The following EGFR variants were observed in gnomAD, a reference collection of about 807,000 sequenced individuals.
EGFR encodes the protein avian erythroblastic leukemia viral (v-erb-b) oncogene homolog.
A neutral mutation model predicts 143.0 loss-of-function variants in EGFR; 58 were observed. The observed-to-expected ratio is 0.41, with a 90% CI of 0.33 to 0.50. The LOEUF is 0.50. EGFR is among the 20% of genes least tolerant of loss of function. The pLI is 0.39. For synonymous variants in EGFR, 613 were observed against 594.4 expected (o/e 1.03, Z -0.45); for missense variants, 1,307 against 1,579.0 (o/e 0.83, Z 2.92).
chr7:55,052,325 T>A (rs1788537192), intron 1 of EGFR, among the ~76,000 whole-genome samples: 1 of 152,176 alleles, frequency 6.6e-6, no homozygotes, highest in Non-Finnish European at 1.5e-5. Flanking sequence ...ATGAGTTAAA[T>A]ATGTATTGAG....
intron 1 of EGFR, among the ~76,000 whole-genome samples, chr7:55,059,785 G>C (rs768163900): frequency 7.9e-5 from 12 of 152,206 alleles, no homozygotes; most frequent in Non-Finnish European, 1.6e-4. Flanking sequence ...ATACTTGCAT[G>C]AATGCAGGAA....
At chr7:55,106,417 C>T (rs1037849825) in intron 1 of EGFR, among the ~76,000 whole-genome samples, 3 of 152,208 alleles carry the variant, frequency 2.0e-5, no homozygotes, top group African/African-American at 7.2e-5. Context: ...CACCTTTTCC[C>T]TTCATTCTGT....
chr7:55,121,721 G>T (rs1324359637), intron 1 of EGFR, among the ~76,000 whole-genome samples: 2 of 152,108 alleles, frequency 1.3e-5, no homozygotes, highest in Non-Finnish European at 2.9e-5. Context: ...AGCTTTCTTG[G>T]GTAACTTCCA....
At chr7:55,049,422 C>A (rs1290760660) in intron 1 of EGFR, among the ~76,000 whole-genome samples, 1 of 152,228 alleles carries the variant, frequency 6.6e-6, no homozygotes, top group Non-Finnish European at 1.5e-5. Flanking sequence ...TCTCCCACTG[C>A]ACTCAGCAGT....
At chr7:55,072,706 G>T (rs986335577) in intron 1 of EGFR, among the ~76,000 whole-genome samples, 6 of 152,138 alleles carry the variant, frequency 3.9e-5, no homozygotes, top group Non-Finnish European at 5.9e-5. Context: ...TTGCTTCATT[G>T]TGTTTAGATA....
At chr7:55,067,905 T>C (rs1789599886) in intron 1 of EGFR, among the ~76,000 whole-genome samples, 1 of 151,280 alleles carries the variant, frequency 6.6e-6, no homozygotes, top group Non-Finnish European at 1.5e-5. Flanking sequence ...TGTGTACGTG[T>C]GTGTTCCTGT....
At position 55,208,337 on chromosome 7, in the gene EGFR, A is replaced by T. The variant is rs1333486826; in HGVS notation, c.*2720A>T. ...TGATCAGTCAGTACTCAAAGCTTGG[A>T]CTCCATCCCTGAAGGTCTTCCTGAT... On this transcript the variant is annotated 3_prime_UTR_variant, in exon 28 of 28. Transcript: ENST00000275493. 1 of 151,770 alleles carries T rather than the reference A, an allele frequency of 6.6e-6. No individual in the cohort carries two copies. Among genetic ancestry groups the T allele is most frequent in the African/African-American group, 2.4e-5 (1 of 41,278 alleles). 9.4% of individuals were successfully genotyped at this position (151,770 alleles called of 1,614,324 possible). A position where few individuals can be genotyped will look rare whatever the true frequency, so the allele number is the denominator to read the frequency against.
chr7:55,122,424 G>T (rs769002113), intron 1 of EGFR, among the ~76,000 whole-genome samples: 6 of 152,176 alleles, frequency 3.9e-5, no homozygotes, highest in Non-Finnish European at 8.8e-5. Flanking sequence ...TGGTGGCAGT[G>T]GGGGGAACCG....
At chr7:55,063,351 G>T (rs978070616) in intron 1 of EGFR, among the ~76,000 whole-genome samples, 1 of 151,864 alleles carries the variant, frequency 6.6e-6, no homozygotes, top group African/African-American at 2.4e-5. Context: ...ATTTTACTTT[G>T]GTCCATAATT....
rs368698152 is a variant in EGFR, at chr7:55,198,854, A to C, written c.2839A>C (p.Met947Leu). ...PICTIDVYMI[M>L]VKCWMIDADS... is the part of the protein sequence containing the mutation. ...ATGTACCATCGATGTCTACATGATC[A>C]TGGTCAAGTGTGAGTGACTGGTGGG... Residue 947 changes from methionine (M) to leucine (L), a missense_variant, in exon 23 of 28, where the codon ATG (methionine) becomes CTG (leucine). Met to Leu is a conservative substitution (Grantham distance 15). This residue lies in a region of EGFR where 348 missense variants were observed against 451.5 expected (regional missense o/e 0.77). Coordinates refer to ENST00000275493, the MANE Select transcript of EGFR (RefSeq NM_005228.5). The C allele has an allele frequency of 6.2e-7, 1 of 1,614,214 alleles. No individual in the cohort carries two copies. Among genetic ancestry groups the C allele is most frequent in the East Asian group, 2.2e-5 (1 of 44,886 alleles).
At chr7:55,165,051 G>A (rs1785898285) in intron 14 of EGFR, among the ~76,000 whole-genome samples, 1 of 152,226 alleles carries the variant, frequency 6.6e-6, no homozygotes. Context: ...TTTCTTTCAT[G>A]CTGGTGTATA....
At chr7:55,105,297 A>C (rs1428435241) in intron 1 of EGFR, among the ~76,000 whole-genome samples, 2 of 152,222 alleles carry the variant, frequency 1.3e-5, no homozygotes, top group African/African-American at 4.8e-5. Context: ...GGAATGCACA[A>C]GTGGAAAACT....
In EGFR at chr7:55,027,995, T is replaced by A. The variant is rs1024745; in HGVS notation, c.88+8630T>A. The stretch of plus-strand genomic sequence containing the variant: ...TTATGTAAAAAAAAAAAAAAAAATA[T>A]ATATATATATATATATATATATATA... On this transcript the variant is annotated intron_variant, in intron 1 of 27. Coordinates refer to ENST00000275493, the MANE Select transcript of EGFR (RefSeq NM_005228.5). Among the ~76,000 whole-genome samples the A allele has an allele frequency of 4.4e-3, 401 of 91,874 alleles. 4 individuals are homozygous for A. Among genetic ancestry groups the A allele is most frequent in the African/African-American group, 0.016 (337 of 21,352 alleles). 60.3% of individuals were successfully genotyped at this position (91,874 alleles called of 152,430 possible). A position where few individuals can be genotyped will look rare whatever the true frequency, so the allele number is the denominator to read the frequency against.
chr7:55,166,832 GCAGTGT>G (rs1786036503), intron 15 of EGFR, among the ~76,000 whole-genome samples: 1 of 122,442 alleles, frequency 8.2e-6, no homozygotes, highest in Non-Finnish European at 1.7e-5. Flanking sequence ...CACAATGGTG[GCAGTGT>G]TGGTGGTGAG....
At chr7:55,127,141 A>T (rs1417359161) in intron 1 of EGFR, among the ~76,000 whole-genome samples, 2 of 152,154 alleles carry the variant, frequency 1.3e-5, no homozygotes, top group Non-Finnish European at 2.9e-5. Context: ...TTTCTTTTGC[A>T]AATTGAGCTA....
At chr7:55,063,668 C>T (rs930031855) in intron 1 of EGFR, among the ~76,000 whole-genome samples, 1 of 152,230 alleles carries the variant, frequency 6.6e-6, no homozygotes, top group Non-Finnish European at 1.5e-5. Flanking sequence ...ACACAAAGGA[C>T]GTCATGGGCA....
chr7:55,124,253 T>C (rs1398063533), intron 1 of EGFR, among the ~76,000 whole-genome samples: 2 of 152,244 alleles, frequency 1.3e-5, no homozygotes, highest in African/African-American at 4.8e-5. Context: ...CTAAAACCTT[T>C]GTTCCAACAT....
chr7:55,114,267 C>T (rs1792694388), intron 1 of EGFR, among the ~76,000 whole-genome samples: 1 of 152,088 alleles, frequency 6.6e-6, no homozygotes, highest in Admixed American at 6.5e-5. Flanking sequence ...TTACACTGGC[C>T]ACAGTAGCTC....
chr7:55,099,615 C>T (rs772162414), intron 1 of EGFR, among the ~76,000 whole-genome samples: 3 of 152,330 alleles, frequency 2.0e-5, no homozygotes, highest in East Asian at 3.9e-4. Flanking sequence ...ACCAGAGCCA[C>T]CATTGTCAGA....
Sources: allele counts gnomAD v4.1 joint callset (sites outside exome capture counted in the v4.1 genomes callset), GRCh38; gene constraint gnomAD v4.1.1; regional missense constraint gnomAD v4.1.1; transcripts MANE v1.5; gene names NCBI Gene and HGNC (gene_info 2026-07-23, HGNC 2026-07-21).